The following HEATR5A variants were observed in gnomAD, a reference collection of about 807,000 sequenced individuals.
The protein encoded by HEATR5A is HEAT repeat-containing protein 5A.
A neutral mutation model predicts 218.8 loss-of-function variants in HEATR5A; 178 were observed. That is an observed-to-expected ratio of 0.81 (90% CI 0.72 to 0.92). The LOEUF (loss-of-function observed/expected upper bound fraction) is 0.92, where lower values mean the gene tolerates loss of function less well. HEATR5A is among the 40% of genes least tolerant of loss of function. The pLI, the probability that HEATR5A is intolerant of heterozygous loss-of-function variation, is 0.00. For missense variants in HEATR5A, 2,420 were observed against 2,418.9 expected, an observed-to-expected ratio of 1.00 and a Z score of -0.01; for synonymous variants, 864 against 871.6, an observed-to-expected ratio of 0.99 and a Z score of 0.15.
At chr14:31,337,788 T>C (rs1212503449) in intron 21 of HEATR5A, among the ~76,000 whole-genome samples, 174 bp from the exon 22 acceptor site, 1 of 152,174 alleles carries the variant, frequency 6.6e-6, no homozygotes, top group Non-Finnish European at 1.5e-5. Context: ...TTTCTGATTC[T>C]GTAACTTAGA....
chr14:31,379,748 G>A (rs1271915064), intron 11 of HEATR5A, among the ~76,000 whole-genome samples: 1 of 152,114 alleles, frequency 6.6e-6, no homozygotes, highest in Non-Finnish European at 1.5e-5. Context: ...GAGCCCACAA[G>A]TTCGAGACGA....
chr14:31,337,667 G>C, intron 21 of HEATR5A, 53 bp from the exon 22 acceptor site: 1 of 1,535,298 alleles, frequency 6.5e-7, no homozygotes, highest in Non-Finnish European at 8.9e-7. Flanking sequence ...TTGGCACTCA[G>C]TGAGTCTAAT....
At chr14:31,351,729 A>T (rs1392376962) in intron 16 of HEATR5A, among the ~76,000 whole-genome samples, 1 of 151,712 alleles carries the variant, frequency 6.6e-6, no homozygotes, top group Non-Finnish European at 1.5e-5. Context: ...CTCCAGCCTC[A>T]GCCACCAAAG....
At chr14:31,374,227 C>G (rs1902143001) in intron 12 of HEATR5A, among the ~76,000 whole-genome samples, 1 of 150,946 alleles carries the variant, frequency 6.6e-6, no homozygotes, top group African/African-American at 2.4e-5. Context: ...GATCACTAGC[C>G]CAGCAGGCCA....
At chr14:31,371,615 A>T (rs937829300) in intron 13 of HEATR5A, 195 bp downstream of exon 13, 23 of 393,324 alleles carry the variant, frequency 5.8e-5, no homozygotes, top group African/African-American at 4.2e-4. Flanking sequence ...AAGGTAGATT[A>T]TTCCCCTAAA....
rs115004963 is a variant in HEATR5A, at chr14:31,300,345, G to A, written c.5464+1950C>T. 5.1e-3 allele frequency among the ~76,000 whole-genome samples: 773 copies of A among 151,746 alleles called. 6 individuals are homozygous for A. The highest frequency in any genetic ancestry group is 0.018 in the African/African-American group (731 of 41,356). On this transcript the variant is annotated intron_variant, in intron 33 of 35. Coordinates refer to ENST00000543095, the MANE Select transcript of HEATR5A (RefSeq NM_015473.4). ...CTGTTGCCCAGGCTGGAGTGCAGAG[G>A]TGTGATCTTGGCTCACACGGCAATC...
At chr14:31,391,555 A>AT (rs1313191847) in intron 6 of HEATR5A, among the ~76,000 whole-genome samples, 1 of 151,262 alleles carries the variant, frequency 6.6e-6, no homozygotes, top group African/African-American at 2.5e-5. Context: ...AAAAATACAC[A>AT]TTTTTTAAAT....
At chr14:31,344,295 T>TTTTTTTTTTTA (rs1900948355) in intron 20 of HEATR5A, among the ~76,000 whole-genome samples, 1 of 116,484 alleles carries the variant, frequency 8.6e-6, no homozygotes. Context: ...TTTTTTTTTT[T>TTTTTTTTTTTA]GAGACAGAGT....
At chr14:31,318,923 G>A (rs907236357) in intron 25 of HEATR5A, among the ~76,000 whole-genome samples, 1 of 152,166 alleles carries the variant, frequency 6.6e-6, no homozygotes, top group African/African-American at 2.4e-5. Context: ...TCTTTCTGAG[G>A]CCCTGGGTGC....
At chr14:31,407,010 C>G (rs777478833) in intron 1 of HEATR5A, among the ~76,000 whole-genome samples, 89 of 141,606 alleles carry the variant, frequency 6.3e-4, no homozygotes, top group Non-Finnish European at 1.2e-3. Context: ...AGAAGTAGGG[C>G]CGGGCACAGT....
chr14:31,362,877 G>C (rs1158195562), intron 14 of HEATR5A, among the ~76,000 whole-genome samples: 1 of 151,956 alleles, frequency 6.6e-6, no homozygotes, highest in East Asian at 1.9e-4. Flanking sequence ...TTGAAGAGTT[G>C]AGCAGCAGTC....
intron 33 of HEATR5A, among the ~76,000 whole-genome samples, chr14:31,298,869 C>A (rs1899275465): frequency 6.6e-6 from 1 of 152,080 alleles, no homozygotes; most frequent in Admixed American, 6.6e-5. Context: ...TCTCTTCTTC[C>A]TGTGAAGAGA....
intron 13 of HEATR5A, among the ~76,000 whole-genome samples, chr14:31,370,148 C>A (rs1901981096): frequency 6.6e-6 from 1 of 151,766 alleles, no homozygotes; most frequent in East Asian, 1.9e-4. Context: ...ATGGTGTGAA[C>A]CCGGGAGGCG....
intron 2 of HEATR5A, 118 bp downstream of exon 2, chr14:31,402,732 A>T: frequency 1.1e-6 from 1 of 919,014 alleles, no homozygotes; most frequent in Non-Finnish European, 1.6e-6. Context: ...ATTAAGTTTT[A>T]ACAAAGTCTA....
At chr14:31,411,719 C>T (rs1189137814) in intron 1 of HEATR5A, among the ~76,000 whole-genome samples, 2 of 152,134 alleles carry the variant, frequency 1.3e-5, no homozygotes, top group Non-Finnish European at 2.9e-5. Context: ...GCTTCTCCTC[C>T]ACTCCCTTTT....
At chr14:31,294,751 C>CAA (rs1026194439) in intron 34 of HEATR5A, among the ~76,000 whole-genome samples, 3 of 151,754 alleles carry the variant, frequency 2.0e-5, no homozygotes, top group Admixed American at 2.0e-4. Context: ...CAAAACAAAA[C>CAA]AAAAAAACAC....
chr14:31,374,674 T>C (rs1902163208), intron 12 of HEATR5A, 142 bp downstream of exon 12: 1 of 682,312 alleles, frequency 1.5e-6, no homozygotes, highest in South Asian at 2.3e-5. Context: ...TCGGTTATAA[T>C]TTTTTTGTTC....
intron 28 of HEATR5A, among the ~76,000 whole-genome samples, chr14:31,312,414 CT>C (rs1252761450): frequency 0.014 from 1,888 of 137,494 alleles, 29 homozygotes; most frequent in African/African-American, 0.041. Context: ...TGGGTGTGTC[CT>C]TTTTTTTTTT....
intron 24 of HEATR5A, among the ~76,000 whole-genome samples, 195 bp downstream of exon 24, chr14:31,323,370 C>T (rs1366469541): frequency 2.0e-5 from 3 of 152,036 alleles, no homozygotes; most frequent in East Asian, 3.9e-4. Flanking sequence ...CATTGTTGCC[C>T]AGGCTGGTTT....
Sources: gnomAD v4.1 joint callset for allele counts (sites outside exome capture counted in the v4.1 genomes callset) on GRCh38, gnomAD v4.1.1 for gene constraint, MANE v1.5 for transcripts, NCBI Gene and HGNC (gene_info 2026-07-23, HGNC 2026-07-21) for gene names.